ZC3H8: variants seen among roughly 807,000 people sequenced by gnomAD.
ZC3H8 encodes zinc finger CCCH domain-containing protein 8.
ZC3H8 carries 27 observed loss-of-function variants against 42.5 expected under a neutral mutation model. That is an observed-to-expected ratio of 0.64 (90% confidence interval 0.47 to 0.88). The LOEUF (loss-of-function observed/expected upper bound fraction) is 0.88, where lower values mean the gene tolerates loss of function less well. Ranked by LOEUF, ZC3H8 falls within the 40% of genes least tolerant of loss-of-function variation. The pLI, the probability that ZC3H8 is intolerant of heterozygous loss-of-function variation, is 0.00. For missense variants in ZC3H8, 277 were observed against 336.1 expected, an observed-to-expected ratio of 0.82 and a Z score of 1.37; for synonymous variants, 101 against 110.1, an observed-to-expected ratio of 0.92 and a Z score of 0.52.
At chr2:112,219,464 A>G (rs1265708726) in intron 8 of ZC3H8, among the ~76,000 whole-genome samples, 1 of 152,198 alleles carries the variant, frequency 6.6e-6, no homozygotes, top group Admixed American at 6.5e-5. Flanking sequence ...TGTAAATGCT[A>G]AACCTATAAA....
intron 4 of ZC3H8, among the ~76,000 whole-genome samples, chr2:112,234,983 A>G (rs1461022756): frequency 6.6e-6 from 1 of 152,154 alleles, no homozygotes; most frequent in Admixed American, 6.6e-5. Flanking sequence ...TATCAGCTCA[A>G]ATTAACACAC....
chr2:112,233,469 G>T, intron 5 of ZC3H8, 98 bp from the exon 6 acceptor site: 1 of 798,210 alleles, frequency 1.3e-6, no homozygotes, highest in Non-Finnish European at 2.0e-6. Context: ...AATGATTCCA[G>T]AAAGAACCAA....
intron 8 of ZC3H8, among the ~76,000 whole-genome samples, chr2:112,229,962 C>T (rs1208665189): frequency 4.9e-5 from 7 of 141,546 alleles, no homozygotes; most frequent in African/African-American, 1.3e-4. Context: ...AAACAAAAAA[C>T]GAAAAGACCG....
At chr2:112,247,098 G>A (rs1202724335) in intron 2 of ZC3H8, among the ~76,000 whole-genome samples, 1 of 152,122 alleles carries the variant, frequency 6.6e-6, no homozygotes, top group Non-Finnish European at 1.5e-5. Context: ...TAATGGTATT[G>A]GACACCTAAC....
At chr2:112,236,050 G>C (rs1685312293) in intron 4 of ZC3H8, among the ~76,000 whole-genome samples, 1 of 151,924 alleles carries the variant, frequency 6.6e-6, no homozygotes, top group Non-Finnish European at 1.5e-5. Context: ...GATCACCTGA[G>C]GTCAGGAGTT....
chr2:112,232,633 G>A (rs545624678), intron 6 of ZC3H8, among the ~76,000 whole-genome samples: 2 of 152,100 alleles, frequency 1.3e-5, no homozygotes, highest in Non-Finnish European at 2.9e-5. Context: ...TGGATCCTTT[G>A]TACATTAGAC....
chr2:112,230,957 TAA>T lies in ZC3H8; in HGVS notation c.844-9_844-8del. On this transcript the variant is annotated splice_polypyrimidine_tract_variant and splice_region_variant and intron_variant, in intron 7 of 8. Coordinates refer to ENST00000409573, the MANE Select transcript of ZC3H8 (RefSeq NM_032494.3). ...TCTTTTCAGTATCCAAAACCTAATATAAAAAAAAAATCACATAATCATTTTTA... is the reference window on the plus strand; with the variant it reads ...TCTTTTCAGTATCCAAAACCTAATATAAAAAAAATCACATAATCATTTTTA... 4 of 1,172,970 alleles carry T rather than the reference TAA, an allele frequency of 3.4e-6. No individual in the cohort carries two copies. Among genetic ancestry groups the T allele is most frequent in the East Asian group, 3.9e-5 (1 of 25,698 alleles). The allele number at this position is 1,172,970 out of a possible 1,614,324, so 72.7% of individuals were successfully genotyped here.
At chr2:112,232,072 G>T in intron 6 of ZC3H8, 125 bp from the exon 7 acceptor site, 1 of 456,982 alleles carries the variant, frequency 2.2e-6, no homozygotes, top group Non-Finnish European at 3.8e-6. Context: ...GCCTGTAGGA[G>T]GCGGAGGTGG....
intron 8 of ZC3H8, among the ~76,000 whole-genome samples, chr2:112,221,699 C>T (rs113039497): frequency 0.011 from 1,700 of 152,120 alleles, 17 homozygotes; most frequent in Non-Finnish European, 0.019. Context: ...CTAGTGTGTT[C>T]TTCAGCTTTA....
chr2:112,219,560 T>G (rs1426259132), intron 8 of ZC3H8, among the ~76,000 whole-genome samples: 1 of 152,222 alleles, frequency 6.6e-6, no homozygotes, highest in African/African-American at 2.4e-5. Context: ...CCAGGTTAAC[T>G]TCCATGTAAT....
chr2:112,233,413 T>C lies in ZC3H8; in HGVS notation c.622-42A>G, dbSNP rs746051383. ...AGCAAGGAAAAGCCATTATTTCTCA[T>C]AGTCAAGTCATTATGATTTAATTCC... On this transcript the variant is annotated intron_variant, in intron 5 of 8. Transcript: ENST00000409573. The C allele has an allele frequency of 9.3e-6, 12 of 1,283,534 alleles. No homozygotes were observed. The Admixed American group carries it at 1.4e-4, about 16-fold the overall frequency. The allele number at this position is 1,283,534 out of a possible 1,614,324, so 79.5% of individuals were successfully genotyped here.
At chr2:112,245,373 G>T (rs141615546) in intron 2 of ZC3H8, among the ~76,000 whole-genome samples, 1 of 152,334 alleles carries the variant, frequency 6.6e-6, no homozygotes, top group African/African-American at 2.4e-5. Flanking sequence ...TGCATGACAG[G>T]CCAGGCGCGG....
At position 112,238,375 on chromosome 2, in the gene ZC3H8, C is replaced by T. The variant is rs904993024; in HGVS notation, c.310G>A (p.Ala104Thr). ...LQQYIQAREMANAAQPEESTK... is the reference protein window; with the variant it reads ...LQQYIQAREMTNAAQPEESTK... ...GATTCTTCAGGTTGAGCAGCATTTG[C>T]CATTTCTCTGGCTTGTATGTACTGT... The change falls in exon 3 of 9, where the codon GCA becomes ACA. Residue 104 changes from alanine to threonine, a missense_variant. By Grantham distance (58) the Ala-to-Thr change is moderately conservative. Transcript: ENST00000409573. The T allele has an allele frequency of 2.5e-6, 4 of 1,613,682 alleles. No individual in the cohort carries two copies. The highest frequency in any genetic ancestry group is 2.5e-6 in the Non-Finnish European group (3 of 1,179,874).
In ZC3H8 at chr2:112,236,479, T is replaced by C. The variant is rs186143848; in HGVS notation, c.504+83A>G. ...GATGCTTCCACCTCTCCATATCACA[T>C]AGCACTTCTTGTCACTGAAGTATAA... On this transcript the variant is annotated intron_variant, in intron 4 of 8. Coordinates refer to ENST00000409573, the MANE Select transcript of ZC3H8 (RefSeq NM_032494.3). The C allele has an allele frequency of 4.5e-6, 7 of 1,552,238 alleles. No homozygotes were observed. In the Admixed American group the frequency reaches 1.0e-4, roughly 23 times the overall value.
At chr2:112,230,816 C>A in intron 8 of ZC3H8, 87 bp downstream of exon 8, 1 of 816,392 alleles carries the variant, frequency 1.2e-6, no homozygotes, top group Non-Finnish European at 1.7e-6. Flanking sequence ...AAAAATACTT[C>A]TATTTGAGAA....
At chr2:112,219,862 G>T (rs1189736876) in intron 8 of ZC3H8, among the ~76,000 whole-genome samples, 2 of 152,176 alleles carry the variant, frequency 1.3e-5, no homozygotes, top group African/African-American at 4.8e-5. Flanking sequence ...TGTGAGTGGA[G>T]TGTTTAATGT....
chr2:112,222,486 T>C (rs548717196), intron 8 of ZC3H8, among the ~76,000 whole-genome samples: 2 of 152,290 alleles, frequency 1.3e-5, no homozygotes, highest in South Asian at 4.1e-4. Flanking sequence ...TGGTACAATA[T>C]GGATGAATCT....
In ZC3H8 at chr2:112,234,178, G is replaced by A. The variant is rs1187131968; in HGVS notation, c.563C>T (p.Thr188Ile). 4 of 1,610,320 alleles carry A rather than the reference G, an allele frequency of 2.5e-6. No individual in the cohort carries two copies. Among genetic ancestry groups the A allele is most frequent in the African/African-American group, 1.3e-5 (1 of 74,758 alleles). Residue 188 changes from threonine to isoleucine, a missense_variant, in exon 5 of 9, where the codon ACA becomes ATA. Coordinates refer to ENST00000409573, the MANE Select transcript of ZC3H8 (RefSeq NM_032494.3). ...AATTTGTTTTCCCTTGCGTTCCACT[G>A]TATGTTGGTTGATGAATGCCTGACT... is the stretch of plus-strand genomic sequence containing the variant. ...HLSQAFINQH[T>I]VERKGKQICK...
At chr2:112,222,426 T>C (rs1004641928) in intron 8 of ZC3H8, among the ~76,000 whole-genome samples, 1 of 152,050 alleles carries the variant, frequency 6.6e-6, no homozygotes, top group Non-Finnish European at 1.5e-5. Flanking sequence ...TGTCTGGGTG[T>C]TTCCAGGGCA....
Sources: gnomAD v4.1 joint callset for allele counts (sites outside exome capture counted in the v4.1 genomes callset) on GRCh38, gnomAD v4.1.1 for gene constraint, MANE v1.5 for transcripts, NCBI Gene and HGNC (gene_info 2026-07-23, HGNC 2026-07-21) for gene names.